NRTN: variants seen among roughly 807,000 people sequenced by gnomAD.
NRTN encodes neurturin.
In NRTN, 3 loss-of-function variants were observed where a neutral mutation model predicts 7.5. The observed-to-expected ratio is 0.40, with a 90% CI of 0.18 to 1.03. The LOEUF is 1.03. Ranked by LOEUF, NRTN falls within the 50% of genes least tolerant of loss-of-function variation. NRTN has a pLI of 0.34. For synonymous variants in NRTN, 157 were observed against 146.6 expected (o/e 1.07, Z -0.51); for missense variants, 310 against 307.0 (o/e 1.01, Z -0.07).
chr19:5,810,928 A>C (rs1416153422), intron 1 of NRTN, among the ~76,000 whole-genome samples: 1 of 125,924 alleles, frequency 7.9e-6, no homozygotes, highest in East Asian at 2.0e-4. Context: ...ACTCCATCTC[A>C]AAAAAAAAAA....
rs2056972228 is a variant in NRTN at position 5,805,411 on chromosome 19, C to CCG, written c.-439_-438insCG. 1.3e-5 allele frequency among the ~76,000 whole-genome samples: 2 copies of CCG among 149,368 alleles called. No homozygotes were observed. Among genetic ancestry groups the CCG allele is most frequent in the Non-Finnish European group, 3.0e-5 (2 of 66,966 alleles). ...CGGCGGCTGGGGCAGGGGCTGGGGC[C>CCG]GCGCGGCCGCCACTGACGGGTAGTC... On this transcript the variant is annotated 5_prime_UTR_variant, in exon 1 of 3. It removes the in-frame stop codon of an upstream open reading frame in the 5' UTR. Coordinates refer to ENST00000303212, the MANE Select transcript of NRTN (RefSeq NM_004558.5).
intron 1 of NRTN, among the ~76,000 whole-genome samples, chr19:5,823,130 G>A (rs955043091): frequency 2.6e-5 from 4 of 151,516 alleles, no homozygotes; most frequent in Non-Finnish European, 5.9e-5. Context: ...GAAAGAGAGA[G>A]AGGAGGCTGG....
Position 5,828,290 on chromosome 19 carries a change from C to G in NRTN, c.*117C>G. On this transcript the variant is annotated 3_prime_UTR_variant, in exon 3 of 3. Transcript: ENST00000303212. ...CGCCGGCGCGGCCCCGGGACTCTCG[C>G]GATAACTGTACTGAGATAAAGTGTG... The G allele has an allele frequency of 8.5e-7, 1 of 1,170,846 alleles. No individual in the cohort carries two copies. Among genetic ancestry groups the G allele is most frequent in the Middle Eastern group, 2.9e-4 (1 of 3,498 alleles). The allele number at this position is 1,170,846 out of a possible 1,614,324, so 72.5% of individuals were successfully genotyped here.
chr19:5,823,693 C>A lies in NRTN; in HGVS notation c.-398-75C>A, dbSNP rs1174604207. The A allele has an allele frequency of 1.4e-5, 4 of 287,540 alleles. No individual in the cohort carries two copies. The South Asian group carries it at 1.4e-4, about 10-fold the overall frequency. The allele number at this position is 287,540 out of a possible 1,614,324, so 17.8% of individuals were successfully genotyped here. A position where few individuals can be genotyped will look rare whatever the true frequency, so the allele number is the denominator to read the frequency against. Reference sequence around the variant, plus strand: ...CCAGACTGTCCTAAACACCACCCTCCCCGCGCCTTTGTCCCACACTGCCAC... The same window carrying A: ...CCAGACTGTCCTAAACACCACCCTCACCGCGCCTTTGTCCCACACTGCCAC... On this transcript the variant is annotated intron_variant, in intron 1 of 2. Transcript: ENST00000303212.
Position 5,824,291 on chromosome 19 carries a change from C to A in NRTN, c.126C>A (p.Arg42=), listed in dbSNP as rs898995959. The change falls in exon 2 of 3, where the codon CGC becomes CGA. Residue 42 remains arginine, a synonymous_variant. Coordinates refer to ENST00000303212, the MANE Select transcript of NRTN (RefSeq NM_004558.5). ...RLGPALVPLH[R]LPRTLDARIA... ...GACCTGCGCTGGTCCCCCTGCACCG[C>A]CTGCCTCGAACCCTGGACGCCCGGA... 1.2e-6 allele frequency: 2 copies of A among 1,609,302 alleles called. No homozygotes were observed. The highest frequency in any genetic ancestry group is 1.7e-6 in the Non-Finnish European group (2 of 1,179,052).
intron 1 of NRTN, among the ~76,000 whole-genome samples, chr19:5,809,718 G>C (rs1377130619): frequency 6.6e-6 from 1 of 152,108 alleles, no homozygotes; most frequent in Non-Finnish European, 1.5e-5. Flanking sequence ...TGGGCTTTCT[G>C]CCACTGGGGC....
At chr19:5,815,395 C>T (rs915022087) in intron 1 of NRTN, among the ~76,000 whole-genome samples, 5 of 148,932 alleles carry the variant, frequency 3.4e-5, no homozygotes, top group African/African-American at 9.9e-5. Flanking sequence ...CGTTTCACCA[C>T]AAGTGTGAAA....
chr19:5,816,863 G>A (rs1251721987), intron 1 of NRTN, among the ~76,000 whole-genome samples: 1 of 152,316 alleles, frequency 6.6e-6, no homozygotes, highest in African/African-American at 2.4e-5. Flanking sequence ...GTGTGAGTGT[G>A]GTCATGTTTG....
chr19:5,826,943 G>A (rs2057048792), intron 2 of NRTN, among the ~76,000 whole-genome samples: 2 of 152,198 alleles, frequency 1.3e-5, no homozygotes, highest in African/African-American at 4.8e-5. Flanking sequence ...TGCTAATGAT[G>A]TGACCTTGGG....
At chr19:5,820,643 C>T (rs1306569759) in intron 1 of NRTN, among the ~76,000 whole-genome samples, 1 of 141,116 alleles carries the variant, frequency 7.1e-6, no homozygotes, top group South Asian at 2.3e-4. Flanking sequence ...GCAGGAGAAT[C>T]GCTTGAACCC....
At position 5,810,738 on chromosome 19, in the gene NRTN, G is replaced by A. The variant is rs560347506; in HGVS notation, c.-399+5287G>A. On this transcript the variant is annotated intron_variant, in intron 1 of 2. Transcript: ENST00000303212. ...CACGAGGTCAGATCAAGACCACCCT[G>A]GCCAACATGGTGAAACCCCATCTCT... Among the ~76,000 whole-genome samples, 218 of 150,836 alleles carry A rather than the reference G, an allele frequency of 1.4e-3. 1 individual carries two copies. The highest frequency in any genetic ancestry group is 2.7e-3 in the Non-Finnish European group (179 of 67,060).
At chr19:5,813,233 T>TA (rs924380255) in intron 1 of NRTN, among the ~76,000 whole-genome samples, 20 of 147,926 alleles carry the variant, frequency 1.4e-4, no homozygotes, top group Non-Finnish European at 1.7e-4. Context: ...TTTTTTAATT[T>TA]AAAAAAAAAA....
chr19:5,828,268 C>A lies in NRTN; in HGVS notation c.*95C>A. 2 of 1,351,270 alleles carry A rather than the reference C, an allele frequency of 1.5e-6. No homozygotes were observed. The highest frequency in any genetic ancestry group is 1.4e-5 in the South Asian group (1 of 72,836). 83.7% of individuals were successfully genotyped at this position (1,351,270 alleles called of 1,614,324 possible). ...AAGACTGCGCGTGCGTAGAGCACGC[C>A]GGCGCGGCCCCGGGACTCTCGCGAT... On this transcript the variant is annotated 3_prime_UTR_variant, in exon 3 of 3. Coordinates refer to ENST00000303212, the MANE Select transcript of NRTN (RefSeq NM_004558.5).
intron 2 of NRTN, among the ~76,000 whole-genome samples, chr19:5,825,578 C>A (rs1411532423): frequency 6.6e-6 from 1 of 152,228 alleles, no homozygotes; most frequent in East Asian, 1.9e-4. Flanking sequence ...GACAGAGACC[C>A]GGGCGGGACC....
chr19:5,812,620 G>T (rs2056993788), intron 1 of NRTN, among the ~76,000 whole-genome samples: 1 of 152,244 alleles, frequency 6.6e-6, no homozygotes, highest in Non-Finnish European at 1.5e-5. Context: ...TCCCTCCCAT[G>T]GGGTGGGCCC....
chr19:5,808,039 C>T (rs1568395454), intron 1 of NRTN, among the ~76,000 whole-genome samples: 1 of 152,174 alleles, frequency 6.6e-6, no homozygotes, highest in African/African-American at 2.4e-5. Context: ...GCTGAGATCG[C>T]ACCACTGCAC....
Position 5,827,870 on chromosome 19 carries a change from G to T in NRTN, c.291G>T (p.Arg97=), listed in dbSNP as rs756012567. ...CCCGGCGGCGGCGCGCGCGTGCGCG[G>T]TTGGGGGCGCGGCCTTGCGGGCTGC... The part of the protein sequence containing the change: ...AGPRRRRARA[R]LGARPCGLRE... The change falls in exon 3 of 3, where the codon CGG becomes CGT. Residue 97 remains arginine, a synonymous_variant. Transcript: ENST00000303212. 1.6e-6 allele frequency: 2 copies of T among 1,265,616 alleles called. No homozygotes were observed. Among genetic ancestry groups the T allele is most frequent in the African/African-American group, 3.1e-5 (2 of 63,882 alleles). 78.4% of individuals were successfully genotyped at this position (1,265,616 alleles called of 1,614,324 possible).
chr19:5,808,510 C>T (rs2056980417), intron 1 of NRTN, among the ~76,000 whole-genome samples: 4 of 152,218 alleles, frequency 2.6e-5, no homozygotes, highest in Non-Finnish European at 5.9e-5. Context: ...CCTAGCCTCC[C>T]TCCCCAGACA....
chr19:5,824,884 T>C (rs1405005684), intron 2 of NRTN, among the ~76,000 whole-genome samples: 1 of 152,166 alleles, frequency 6.6e-6, no homozygotes, highest in Admixed American at 6.5e-5. Flanking sequence ...TTCTGGGAAC[T>C]GGGGTCTTTC....
Sources: gnomAD v4.1 joint callset for allele counts (sites outside exome capture counted in the v4.1 genomes callset) on GRCh38, gnomAD v4.1.1 for gene constraint, MANE v1.5 for transcripts, NCBI Gene and HGNC (gene_info 2026-07-23, HGNC 2026-07-21) for gene names.